SNX29: variants seen among roughly 807,000 people sequenced by gnomAD.
SNX29 encodes the protein sorting nexin 29.
A neutral mutation model predicts 102.1 loss-of-function variants in SNX29; 78 were observed. The observed-to-expected ratio is 0.76, with a 90% CI of 0.64 to 0.92. SNX29 has a LOEUF of 0.92. Among genes scored for constraint, SNX29 ranks in the 40% least tolerant of loss-of-function variants. The pLI is 0.00. For synonymous variants in SNX29, 580 were observed against 414.5 expected, an observed-to-expected ratio of 1.40 and a Z score of -4.85; for missense variants, 1,280 against 1,061.7, an observed-to-expected ratio of 1.21 and a Z score of -2.86.
chr16:12,033,041 G>C (rs1016724255), intron 4 of SNX29, among the ~76,000 whole-genome samples: 1 of 151,486 alleles, frequency 6.6e-6, no homozygotes, highest in African/African-American at 2.4e-5. Context: ...TTTTAGTAGA[G>C]GCAGGGTTTC....
chr16:11,992,784 G>A (rs1348692685), intron 1 of SNX29, among the ~76,000 whole-genome samples: 1 of 152,186 alleles, frequency 6.6e-6, no homozygotes, highest in African/African-American at 2.4e-5. Context: ...CCTGCTTAAT[G>A]TGTTACAAGG....
intron 14 of SNX29, among the ~76,000 whole-genome samples, chr16:12,246,906 G>A (rs373493023): frequency 6.6e-6 from 1 of 152,070 alleles, no homozygotes; most frequent in African/African-American, 2.4e-5. Context: ...CCCTCCCCTC[G>A]GCAGGTTTGT....
At chr16:12,540,054 C>T (rs996860850) in intron 20 of SNX29, among the ~76,000 whole-genome samples, 1 of 152,140 alleles carries the variant, frequency 6.6e-6, no homozygotes, top group Non-Finnish European at 1.5e-5. Flanking sequence ...TTTTGTGTCC[C>T]AGATCATGCT....
chr16:12,354,710 G>T (rs926655086), intron 15 of SNX29, among the ~76,000 whole-genome samples: 16 of 152,300 alleles, frequency 1.1e-4, no homozygotes, highest in African/African-American at 3.6e-4. Flanking sequence ...TGTGATTTCT[G>T]TGTGGAGGAG....
intron 14 of SNX29, among the ~76,000 whole-genome samples, chr16:12,225,539 G>A (rs371385609): frequency 5.9e-5 from 9 of 152,174 alleles, no homozygotes; most frequent in African/African-American, 1.9e-4. Flanking sequence ...TGCCATGATT[G>A]TGAGGCCTCT....
At chr16:12,088,005 G>C (rs968683941) in intron 11 of SNX29, 4 of 456,678 alleles carry the variant, frequency 8.8e-6, no homozygotes, top group Admixed American at 2.3e-5. Context: ...ATGGTCCTTT[G>C]GGGGGTATGA....
intron 19 of SNX29, among the ~76,000 whole-genome samples, chr16:12,481,481 C>CAT (rs1204167938): frequency 4.2e-5 from 4 of 94,816 alleles, no homozygotes; most frequent in African/African-American, 9.0e-5. Flanking sequence ...TATATACACA[C>CAT]ATATATATAC....
At position 12,561,850 on chromosome 16, in the gene SNX29, A is replaced by G. The variant is rs35576470; in HGVS notation, c.2319-6656A>G. Reference sequence around the variant, plus strand: ...CTTCTCCCTGCAGGGGAGGGGAGGCAGTGCCCTGGGGACTTATGGGCTGTC... The same window carrying G: ...CTTCTCCCTGCAGGGGAGGGGAGGCGGTGCCCTGGGGACTTATGGGCTGTC... On this transcript the variant is annotated intron_variant, in intron 20 of 20. Coordinates refer to ENST00000566228, the MANE Select transcript of SNX29 (RefSeq NM_032167.5). Among the ~76,000 whole-genome samples, 828 of 152,276 alleles carry G rather than the reference A, an allele frequency of 5.4e-3. 3 individuals carry two copies. Among genetic ancestry groups the G allele is most frequent in the Middle Eastern group, 0.01 (3 of 294 alleles).
intron 15 of SNX29, among the ~76,000 whole-genome samples, chr16:12,340,884 A>G (rs1185064688): frequency 3.3e-5 from 5 of 152,216 alleles, no homozygotes; most frequent in Non-Finnish European, 5.9e-5. Context: ...TTTGCCTTCC[A>G]TCCACTAAAG....
chr16:12,309,055 A>G (rs946300815), intron 15 of SNX29, among the ~76,000 whole-genome samples: 7 of 152,226 alleles, frequency 4.6e-5, no homozygotes, highest in East Asian at 1.9e-4. Flanking sequence ...TCTTTGGGCC[A>G]TTAGCATTGA....
In SNX29 at chr16:12,345,982, C is replaced by A. The variant is rs537465088; in HGVS notation, c.1783-10181C>A. Among the ~76,000 whole-genome samples the A allele has an allele frequency of 2.4e-3, 370 of 152,302 alleles. 2 individuals are homozygous for A. The highest frequency in any genetic ancestry group is 8.2e-3 in the African/African-American group (339 of 41,558). On this transcript the variant is annotated intron_variant, in intron 15 of 20. Transcript: ENST00000566228. ...TCCCGTCAGCTTCAGCAGCCACCAA[C>A]CCAAGCCAGTCCCACTCCCCCCTCC...
chr16:12,255,614 G>C (rs1402063254), intron 14 of SNX29, among the ~76,000 whole-genome samples: 2 of 150,986 alleles, frequency 1.3e-5, no homozygotes, highest in African/African-American at 4.9e-5. Flanking sequence ...TTCCATATGA[G>C]TGAGATCATG....
chr16:12,418,381 T>C (rs1440878723), intron 18 of SNX29, among the ~76,000 whole-genome samples: 1 of 151,780 alleles, frequency 6.6e-6, no homozygotes, highest in African/African-American at 2.4e-5. Context: ...TATTTTTTTT[T>C]TGCTAGAAAG....
intron 16 of SNX29, among the ~76,000 whole-genome samples, chr16:12,365,831 A>G (rs533344223): frequency 6.6e-6 from 1 of 152,054 alleles, no homozygotes; most frequent in African/African-American, 2.4e-5. Flanking sequence ...TCATGAGGTC[A>G]GGAGATCGAG....
chr16:12,425,551 AAAT>A (rs1567550125), intron 18 of SNX29, among the ~76,000 whole-genome samples: 2,393 of 76,650 alleles, frequency 0.031, 127 homozygotes, highest in African/African-American at 0.06. Flanking sequence ...AAAATAAAAA[AAAT>A]AAAAAGAGGG....
intron 6 of SNX29, 142 bp from the exon 7 acceptor site, chr16:12,048,230 G>C: frequency 8.2e-7 from 1 of 1,222,152 alleles, no homozygotes; most frequent in Non-Finnish European, 1.2e-6. Context: ...TCCCTGCAAC[G>C]TCCGCATGGG....
At chr16:12,293,206 T>C (rs554588218) in intron 15 of SNX29, among the ~76,000 whole-genome samples, 1 of 152,336 alleles carries the variant, frequency 6.6e-6, no homozygotes, top group African/African-American at 2.4e-5. Flanking sequence ...CCTCCGAAAG[T>C]GCTGGGGTTA....
At chr16:12,326,103 G>A (rs992321187) in intron 15 of SNX29, among the ~76,000 whole-genome samples, 1 of 151,816 alleles carries the variant, frequency 6.6e-6, no homozygotes, top group Non-Finnish European at 1.5e-5. Context: ...TTGGCTCACT[G>A]CAACCTCTGC....
At chr16:12,312,901 C>T (rs957485650) in intron 15 of SNX29, among the ~76,000 whole-genome samples, 1 of 152,142 alleles carries the variant, frequency 6.6e-6, no homozygotes, top group Non-Finnish European at 1.5e-5. Flanking sequence ...AAAGCCCTTT[C>T]ACAGAAGGCT....
Sources: gnomAD v4.1 joint callset for allele counts (sites outside exome capture counted in the v4.1 genomes callset) on GRCh38, gnomAD v4.1.1 for gene constraint, MANE v1.5 for transcripts, NCBI Gene and HGNC (gene_info 2026-07-23, HGNC 2026-07-21) for gene names.